Variants in PTPRT observed in about 807,000 individuals in gnomAD.
The protein encoded by PTPRT is receptor-type tyrosine-protein phosphatase T.
A neutral mutation model predicts 176.8 loss-of-function variants in PTPRT; 56 were observed. The observed-to-expected ratio is 0.32, with a 90% CI of 0.26 to 0.40. PTPRT has a LOEUF of 0.40. Ranked by LOEUF, PTPRT falls within the 10% of genes least tolerant of loss-of-function variation. The probability of loss-of-function intolerance (pLI) is 1.00; values close to 1 mark genes in which losing one functional copy is unlikely to be tolerated. For synonymous variants in PTPRT, 783 were observed against 739.0 expected, an observed-to-expected ratio of 1.06 and a Z score of -0.96; for missense variants, 1,540 against 1,908.2, an observed-to-expected ratio of 0.81 and a Z score of 3.60.
intron 6 of PTPRT, among the ~76,000 whole-genome samples, chr20:42,698,852 CATGA>C (rs3092082): frequency 1.3e-4 from 19 of 151,420 alleles, no homozygotes; most frequent in Admixed American, 2.0e-4. Context: ...TGAATGCATA[CATGA>C]ATGAATGAAT....
chr20:42,160,702 T>C (rs1989557672), intron 17 of PTPRT, among the ~76,000 whole-genome samples: 1 of 152,164 alleles, frequency 6.6e-6, no homozygotes, highest in African/African-American at 2.4e-5. Flanking sequence ...CTGCAGTCCT[T>C]CTCTATTATT....
intron 1 of PTPRT, among the ~76,000 whole-genome samples, chr20:42,939,954 A>G (rs1339378357): frequency 1.3e-5 from 2 of 152,194 alleles, no homozygotes; most frequent in African/African-American, 4.8e-5. Flanking sequence ...CCCACTCAAC[A>G]CCACTATTCT....
intron 17 of PTPRT, among the ~76,000 whole-genome samples, chr20:42,150,814 C>G (rs1226835757): frequency 6.6e-6 from 1 of 151,800 alleles, no homozygotes; most frequent in Non-Finnish European, 1.5e-5. Flanking sequence ...TGATGAAATT[C>G]TCATGTGTCC....
chr20:42,926,298 C>A (rs1020546719), intron 1 of PTPRT, among the ~76,000 whole-genome samples: 8 of 152,222 alleles, frequency 5.3e-5, no homozygotes, highest in African/African-American at 1.9e-4. Context: ...CTGGACTACC[C>A]CAGAGCCCTG....
chr20:42,182,748 A>G (rs915877889), intron 16 of PTPRT, among the ~76,000 whole-genome samples: 2 of 152,170 alleles, frequency 1.3e-5, no homozygotes, highest in African/African-American at 4.8e-5. Context: ...TGACTAATCA[A>G]TACAATATGG....
chr20:42,741,571 C>T (rs1489975454), intron 6 of PTPRT, among the ~76,000 whole-genome samples: 2 of 152,118 alleles, frequency 1.3e-5, no homozygotes, highest in Admixed American at 6.5e-5. Flanking sequence ...GTCTCGAACT[C>T]CTCACCTCAG....
intron 1 of PTPRT, among the ~76,000 whole-genome samples, chr20:42,932,030 C>T (rs1979886077): frequency 6.6e-6 from 1 of 152,216 alleles, no homozygotes; most frequent in Admixed American, 6.5e-5. Context: ...CCCATGAATG[C>T]CACACACGGG....
intron 13 of PTPRT, among the ~76,000 whole-genome samples, chr20:42,272,079 C>T (rs1352274404): frequency 4.6e-5 from 7 of 152,172 alleles, no homozygotes; most frequent in Non-Finnish European, 1.0e-4. Flanking sequence ...TCTGGCCCCC[C>T]ACTCCCTGTT....
chr20:42,990,869 C>T (rs1286390119), intron 1 of PTPRT, among the ~76,000 whole-genome samples: 3 of 152,126 alleles, frequency 2.0e-5, no homozygotes, highest in Non-Finnish European at 4.4e-5. Context: ...GATAATTTAG[C>T]AGATATTGTT....
chr20:42,384,184 G>A (rs1181892990), intron 9 of PTPRT, among the ~76,000 whole-genome samples: 2 of 152,176 alleles, frequency 1.3e-5, no homozygotes, highest in African/African-American at 4.8e-5. Context: ...AGTGATACTA[G>A]CTGGGAACAC....
chr20:43,067,085 C>T (rs2011118660), intron 1 of PTPRT, among the ~76,000 whole-genome samples: 1 of 152,078 alleles, frequency 6.6e-6, no homozygotes, highest in South Asian at 2.1e-4. Context: ...GGAAACAGCC[C>T]AAATGTGGGT....
rs1568731925 is a variant in PTPRT at position 42,276,554 on chromosome 20, T to TTTATATAA, written c.2176+5934_2176+5935insTTATATAA. 1.2e-4 allele frequency among the ~76,000 whole-genome samples: 11 copies of TTTATATAA among 89,884 alleles called. 1 individual carries two copies. The highest frequency in any genetic ancestry group is 4.9e-4 in the African/African-American group (11 of 22,410). 59.0% of individuals were successfully genotyped at this position (89,884 alleles called of 152,430 possible). ...ATATATATATATATATATATATATA[T>TTTATATAA]ATATAATGTTCTTGAATACTTGGTA... is the stretch of plus-strand genomic sequence containing the variant. On this transcript the variant is annotated intron_variant, in intron 13 of 30. Transcript: ENST00000373187.
chr20:42,385,712 A>C (rs141705544), intron 9 of PTPRT, among the ~76,000 whole-genome samples: 1 of 152,296 alleles, frequency 6.6e-6, no homozygotes, highest in South Asian at 2.1e-4. Context: ...GAGCAAAGTC[A>C]AGTCTTACAT....
intron 14 of PTPRT, among the ~76,000 whole-genome samples, chr20:42,242,046 T>C (rs150046429): frequency 1.3e-4 from 20 of 152,328 alleles, no homozygotes; most frequent in African/African-American, 4.8e-4. Context: ...TGTAGTACCC[T>C]TAATAAAGTG....
chr20:42,697,541 T>TGTG (rs1569092373), intron 6 of PTPRT, among the ~76,000 whole-genome samples: 1 of 152,180 alleles, frequency 6.6e-6, no homozygotes, highest in Non-Finnish European at 1.5e-5. Flanking sequence ...TGGAACTCAA[T>TGTG]ACAAAACAGA....
intron 7 of PTPRT, among the ~76,000 whole-genome samples, chr20:42,549,625 G>C (rs572650143): frequency 6.6e-6 from 1 of 152,268 alleles, no homozygotes; most frequent in South Asian, 2.1e-4. Flanking sequence ...ATAAATCTTG[G>C]AGAACTATCC....
At chr20:42,321,122 C>T (rs2057793532) in intron 11 of PTPRT, among the ~76,000 whole-genome samples, 1 of 152,198 alleles carries the variant, frequency 6.6e-6, no homozygotes, top group Non-Finnish European at 1.5e-5. Context: ...CAGCACTCCT[C>T]ATCTGAGAGA....
chr20:42,193,945 T>A (rs1991098595), intron 16 of PTPRT, among the ~76,000 whole-genome samples: 1 of 152,172 alleles, frequency 6.6e-6, no homozygotes, highest in South Asian at 2.1e-4. Context: ...AGACTCTAAC[T>A]GAAATCAGGA....
Position 42,165,653 on chromosome 20 carries a change from G to A in PTPRT, c.2492-4111C>T, listed in dbSNP as rs59139831. On this transcript the variant is annotated intron_variant, in intron 16 of 30. Coordinates refer to ENST00000373187, the MANE Select transcript of PTPRT (RefSeq NM_007050.6). ...CACTAATCACATGTGGCTACTGAGC[G>A]TCTGAAATGTGGCTGATGAGACAGA... is the stretch of plus-strand genomic sequence containing the variant. Among the ~76,000 whole-genome samples the A allele has an allele frequency of 4.4e-3, 670 of 152,320 alleles. 4 individuals carry two copies. Among genetic ancestry groups the A allele is most frequent in the African/African-American group, 0.015 (620 of 41,568 alleles).
Sources: gnomAD v4.1 joint callset for allele counts (sites outside exome capture counted in the v4.1 genomes callset) on GRCh38, gnomAD v4.1.1 for gene constraint, MANE v1.5 for transcripts, NCBI Gene and HGNC (gene_info 2026-07-23, HGNC 2026-07-21) for gene names.